The following PCDHGA1 variants were observed in gnomAD, a reference collection of about 807,000 sequenced individuals.
PCDHGA1 encodes the protein protocadherin gamma subfamily A, 1, also known as protocadherin gamma-A1.
Under a neutral mutation model 58.0 loss-of-function variants are expected in PCDHGA1, and 32 were observed. The observed-to-expected ratio is 0.55, with a 90% confidence interval of 0.42 to 0.74. The LOEUF (loss-of-function observed/expected upper bound fraction) is 0.74. Ranked by LOEUF, PCDHGA1 falls within the 30% of genes least tolerant of loss-of-function variation. The pLI is 0.00. For missense variants in PCDHGA1, 1,205 were observed against 1,182.3 expected (o/e 1.02, Z -0.28); for synonymous variants, 498 against 501.1 (o/e 0.99, Z 0.08).
chr5:141,485,735 G>C lies in PCDHGA1; in HGVS notation c.2422-9072G>C, dbSNP rs1562107417. ...ACTGGATGTGAAGAAGCGCAGCGAC[G>C]GCAGCCTGGTCCCAGAGCTGCTCCT... is the stretch of plus-strand genomic sequence containing the variant. On this transcript the variant is annotated intron_variant, in intron 1 of 3. Coordinates refer to ENST00000517417, the MANE Select transcript of PCDHGA1 (RefSeq NM_018912.3). This position sits in a 1 kb window ranked among gnomAD's most constrained non-coding sequence, Gnocchi z 5.7. 2.5e-6 allele frequency: 4 copies of C among 1,614,048 alleles called. No individual in the cohort carries two copies. The highest frequency in any genetic ancestry group is 3.4e-6 in the Non-Finnish European group (4 of 1,180,044).
Position 141,487,552 on chromosome 5 carries a change from A to C in PCDHGA1, c.2422-7255A>C. On this transcript the variant is annotated intron_variant, in intron 1 of 3. Coordinates refer to ENST00000517417, the MANE Select transcript of PCDHGA1 (RefSeq NM_018912.3). The surrounding 1 kb of genome is among the most constrained non-coding windows in gnomAD (Gnocchi z 5.0). ...TCATGATGGTGAAGTCACCCAGTGC[A>C]CCTATGGCAGGGGAGCCTGTTCGCC... is the stretch of plus-strand genomic sequence containing the variant. 2 of 1,614,116 alleles carry C rather than the reference A, an allele frequency of 1.2e-6. No homozygotes were observed. The highest frequency in any genetic ancestry group is 1.7e-6 in the Non-Finnish European group (2 of 1,180,024).
chr5:141,370,396 T>C (rs767513658), intron 1 of PCDHGA1: 3 of 1,548,714 alleles, frequency 1.9e-6, no homozygotes, highest in Non-Finnish European at 2.6e-6. Context: ...GAGAGCGGGA[T>C]GGGAAATAGC....
intron 1 of PCDHGA1, chr5:141,468,354 GA>G (rs910554966): frequency 7.0e-6 from 1 of 143,440 alleles, no homozygotes. Context: ...AAAAAAGAAA[GA>G]AAAAAGAAAT....
chr5:141,374,849 C>A (rs1770893112), intron 1 of PCDHGA1: 3 of 1,613,636 alleles, frequency 1.9e-6, no homozygotes, highest in South Asian at 1.1e-5. Context: ...TGAAAACCTG[C>A]CAGTAGGCAC....
Position 141,350,140 on chromosome 5 carries a change from C to G in PCDHGA1, c.2421+17035C>G, listed in dbSNP as rs1420873443. The G allele has an allele frequency of 6.2e-6, 5 of 805,908 alleles. No individual in the cohort carries two copies. The East Asian group carries it at 1.4e-4, about 23-fold the overall frequency. The allele number at this position is 805,908 out of a possible 1,614,324, so 49.9% of individuals were successfully genotyped here. A position where few individuals can be genotyped will look rare whatever the true frequency, so the allele number is the denominator to read the frequency against. ...CGGTGCACTGAGCACAGACGCTGCT[C>G]CTGTTCACCCTCGAGCGCCTAACTA... On this transcript the variant is annotated intron_variant, in intron 1 of 3. Coordinates refer to ENST00000517417, the MANE Select transcript of PCDHGA1 (RefSeq NM_018912.3).
Position 141,490,754 on chromosome 5 carries a change from CCTT to C in PCDHGA1, c.2422-4052_2422-4050del, listed in dbSNP as rs775582875. ...CAGGTTCAGGGAGCCCCAGCCTCCT[CCTT>C]TGTGTATGTCAACCCAGAGGATGGA... On this transcript the variant is annotated intron_variant, in intron 1 of 3. Transcript: ENST00000517417. The surrounding 1 kb of genome is among the most constrained non-coding windows in gnomAD (Gnocchi z 5.4). 3.1e-6 allele frequency: 5 copies of C among 1,614,200 alleles called. No individual in the cohort carries two copies. The highest frequency in any genetic ancestry group is 3.4e-6 in the Non-Finnish European group (4 of 1,180,038).
chr5:141,457,193 A>G (rs2154565853), intron 1 of PCDHGA1, among the ~76,000 whole-genome samples: 1 of 152,356 alleles, frequency 6.6e-6, no homozygotes, highest in African/African-American at 2.4e-5. Flanking sequence ...GAGTGAGGAA[A>G]GCAGTTCCCA....
intron 1 of PCDHGA1, chr5:141,409,784 T>G: frequency 3.1e-6 from 5 of 1,612,248 alleles, no homozygotes; most frequent in Non-Finnish European, 4.2e-6. Flanking sequence ...GCTGCGCGCC[T>G]TCGCGCTCAC....
chr5:141,399,561 GT>G, intron 1 of PCDHGA1: 1 of 1,614,042 alleles, frequency 6.2e-7, no homozygotes, highest in Non-Finnish European at 8.5e-7. Context: ...TGGACTTGGG[GT>G]TGAACGGCCA....
chr5:141,482,288 C>G (rs1413786764), intron 1 of PCDHGA1, among the ~76,000 whole-genome samples: 1 of 152,078 alleles, frequency 6.6e-6, no homozygotes, highest in Non-Finnish European at 1.5e-5. Context: ...GTCTTTTAAT[C>G]TCTTTAAACT....
At chr5:141,403,094 A>G in intron 1 of PCDHGA1, 1 of 1,614,064 alleles carries the variant, frequency 6.2e-7, no homozygotes, top group Non-Finnish European at 8.5e-7. Flanking sequence ...TGTGGGCAAC[A>G]TCTCCAAGGA....
intron 1 of PCDHGA1, chr5:141,344,164 T>C (rs779496176): frequency 6.2e-7 from 1 of 1,613,998 alleles, no homozygotes; most frequent in Non-Finnish European, 8.5e-7. Flanking sequence ...AAAGGTTCCT[T>C]CGTGGGCAAC....
rs771162471 is a variant in PCDHGA1, at chr5:141,376,386, T to G, written c.2421+43281T>G. 81 of 1,614,116 alleles carry G rather than the reference T, an allele frequency of 5.0e-5. No individual in the cohort carries two copies. The highest frequency in any genetic ancestry group is 4.2e-4 in the South Asian group (38 of 91,094). On this transcript the variant is annotated intron_variant, in intron 1 of 3. Transcript: ENST00000517417. ...ACTGCAGACTCGCGTAAGAGTCATC[T>G]GATTTTCCCCCAGCCCAACTATGCC...
At chr5:141,435,180 C>G (rs1341148119) in intron 1 of PCDHGA1, among the ~76,000 whole-genome samples, 1 of 152,074 alleles carries the variant, frequency 6.6e-6, no homozygotes, top group African/African-American at 2.4e-5. Context: ...TTTAACTACA[C>G]TTGAGATGGC....
intron 1 of PCDHGA1, chr5:141,384,393 G>A (rs763875742): frequency 1.2e-6 from 2 of 1,613,790 alleles, no homozygotes; most frequent in Non-Finnish European, 1.7e-6. Context: ...CCATCCAGGG[G>A]GCTCCAGTGT....
intron 1 of PCDHGA1, chr5:141,428,599 A>G (rs1324155257): frequency 8.9e-6 from 2 of 223,902 alleles, no homozygotes; most frequent in Non-Finnish European, 1.8e-5. Context: ...AGCAAGCTTC[A>G]CTGAAGAGAA....
chr5:141,335,088 A>G (rs1457997300), intron 1 of PCDHGA1, among the ~76,000 whole-genome samples: 1 of 152,188 alleles, frequency 6.6e-6, no homozygotes, highest in Admixed American at 6.5e-5. Context: ...ACTTTCTCTC[A>G]TTCTTGCTGT....
chr5:141,487,608 G>A lies in PCDHGA1; in HGVS notation c.2422-7199G>A, dbSNP rs970411391. On this transcript the variant is annotated intron_variant, in intron 1 of 3. Coordinates refer to ENST00000517417, the MANE Select transcript of PCDHGA1 (RefSeq NM_018912.3). The surrounding 1 kb of genome is among the most constrained non-coding windows in gnomAD (Gnocchi z 5.0). ...TGCCCACCCTCTGATCTTCTCTATG[G>A]GCTAGAGGTGAGACCTTTGCAGGCT... 1 of 1,614,182 alleles carries A rather than the reference G, an allele frequency of 6.2e-7. No individual in the cohort carries two copies. Among genetic ancestry groups the A allele is most frequent in the African/African-American group, 1.3e-5 (1 of 75,050 alleles).
At chr5:141,469,425 C>T (rs1035406646) in intron 1 of PCDHGA1, among the ~76,000 whole-genome samples, 1 of 151,622 alleles carries the variant, frequency 6.6e-6, no homozygotes, top group East Asian at 1.9e-4. Context: ...AAATATAAAA[C>T]TTAGCTGGGC....
Sources: allele counts gnomAD v4.1 joint callset (sites outside exome capture counted in the v4.1 genomes callset), GRCh38; gene constraint gnomAD v4.1.1; non-coding constraint Gnocchi (gnomAD v3.1); transcripts MANE v1.5; gene names NCBI Gene and HGNC (gene_info 2026-07-23, HGNC 2026-07-21).